ATP6V0A2: variants seen among roughly 807,000 people sequenced by gnomAD.
The protein encoded by ATP6V0A2 is V-type proton ATPase 116 kDa subunit a 2.
A neutral mutation model predicts 104.4 loss-of-function variants in ATP6V0A2; 58 were observed. The ratio of observed to expected loss-of-function variants is 0.56; its 90% confidence interval spans 0.45 to 0.69. The LOEUF is 0.69. ATP6V0A2 is among the 30% of genes least tolerant of loss of function. The pLI, the probability that ATP6V0A2 is intolerant of heterozygous loss-of-function variation, is 0.00. For missense variants in ATP6V0A2, 938 were observed against 1,062.9 expected (o/e 0.88, Z 1.63); for synonymous variants, 376 against 397.9 (o/e 0.95, Z 0.65).
intron 1 of ATP6V0A2, among the ~76,000 whole-genome samples, chr12:123,713,413 T>C (rs1956310964): frequency 6.6e-6 from 1 of 152,158 alleles, no homozygotes; most frequent in Non-Finnish European, 1.5e-5. Context: ...AAACATTTGT[T>C]TGTCCATTTA....
At chr12:123,713,038 A>G (rs1956308133) in intron 1 of ATP6V0A2, among the ~76,000 whole-genome samples, 1 of 152,144 alleles carries the variant, frequency 6.6e-6, no homozygotes, top group Admixed American at 6.5e-5. Context: ...TAACCAAATA[A>G]ATAGGTCAAC....
intron 2 of ATP6V0A2, 84 bp downstream of exon 2, chr12:123,718,785 T>C: frequency 2.1e-6 from 2 of 960,580 alleles, no homozygotes; most frequent in Non-Finnish European, 3.2e-6. Context: ...TTGGAAAATA[T>C]AGACAAGCAG....
intron 5 of ATP6V0A2, among the ~76,000 whole-genome samples, chr12:123,726,891 G>A (rs879678847): frequency 6.6e-6 from 1 of 152,166 alleles, no homozygotes; most frequent in African/African-American, 2.4e-5. Context: ...TCAGCATTGA[G>A]ATTTTTTTGT....
At position 123,712,423 on chromosome 12, in the gene ATP6V0A2, C is replaced by T; in HGVS notation, c.-143C>T. On this transcript the variant is annotated 5_prime_UTR_variant, in exon 1 of 20. Coordinates refer to ENST00000330342, the MANE Select transcript of ATP6V0A2 (RefSeq NM_012463.4). ...GTGGCAGAACCGGGGGCGGCCGCTGCAGTCTGGAGCCCCATAGTGCGGGGC... is the reference window on the plus strand; with the variant it reads ...GTGGCAGAACCGGGGGCGGCCGCTGTAGTCTGGAGCCCCATAGTGCGGGGC... 1 of 428,058 alleles carries T rather than the reference C, an allele frequency of 2.3e-6. No homozygotes were observed. Among genetic ancestry groups the T allele is most frequent in the Non-Finnish European group, 3.9e-6 (1 of 253,836 alleles). The allele number at this position is 428,058 out of a possible 1,614,324, so 26.5% of individuals were successfully genotyped here. A position where few individuals can be genotyped will look rare whatever the true frequency, so the allele number is the denominator to read the frequency against.
intron 9 of ATP6V0A2, among the ~76,000 whole-genome samples, chr12:123,740,736 C>T (rs998158752): frequency 1.3e-5 from 2 of 152,106 alleles, no homozygotes; most frequent in East Asian, 3.9e-4. Flanking sequence ...TTTTGTCTTT[C>T]GTTACTTCTT....
At chr12:123,740,604 T>TTA (rs1956599841) in intron 9 of ATP6V0A2, among the ~76,000 whole-genome samples, 1 of 152,194 alleles carries the variant, frequency 6.6e-6, no homozygotes, top group South Asian at 2.1e-4. Context: ...TTCTCCTGAA[T>TTA]TATAGTTTTT....
In ATP6V0A2 at chr12:123,744,905, G is replaced by C. The variant is rs753537705; in HGVS notation, c.1538G>C (p.Ser513Thr). 3 of 1,614,200 alleles carry C rather than the reference G, an allele frequency of 1.9e-6. No homozygotes were observed. The highest frequency in any genetic ancestry group is 4.5e-5 in the East Asian group (2 of 44,884). ...LWNDSVVRHN[S>T]ILQLDPSIPG... ...AGTGACAGCGTCGTTAGACACAACA[G>C]CATTTTGCAGCTGGATCCAAGCATT... Residue 513 changes from serine to threonine, a missense_variant, in exon 13 of 20, where the codon AGC (serine) becomes ACC (threonine). Coordinates refer to ENST00000330342, the MANE Select transcript of ATP6V0A2 (RefSeq NM_012463.4). This position sits in a 1 kb window ranked among gnomAD's most constrained non-coding sequence, Gnocchi z 5.4.
chr12:123,751,749 G>A (rs145539754), intron 16 of ATP6V0A2, among the ~76,000 whole-genome samples: 3 of 152,226 alleles, frequency 2.0e-5, no homozygotes, highest in African/African-American at 7.2e-5. Flanking sequence ...AGCTTATTAG[G>A]GGTTTAACTC....
At chr12:123,726,807 C>A (rs902504176) in intron 5 of ATP6V0A2, among the ~76,000 whole-genome samples, 40 of 152,300 alleles carry the variant, frequency 2.6e-4, no homozygotes, top group African/African-American at 2.9e-4. Flanking sequence ...ATGTTTTCCT[C>A]CAGAGAGAAT....
At position 123,751,892 on chromosome 12, in the gene ATP6V0A2, C is replaced by T. The variant is rs187262700; in HGVS notation, c.2056-391C>T. Among the ~76,000 whole-genome samples, 526 of 111,798 alleles carry T rather than the reference C, an allele frequency of 4.7e-3. 3 individuals are homozygous for T. Among genetic ancestry groups the T allele is most frequent in the Non-Finnish European group, 7.0e-3 (403 of 57,646 alleles). 73.3% of individuals were successfully genotyped at this position (111,798 alleles called of 152,430 possible). A position where few individuals can be genotyped will look rare whatever the true frequency, so the allele number is the denominator to read the frequency against. On this transcript the variant is annotated intron_variant, in intron 16 of 19. Transcript: ENST00000330342. ...TTTTTTTTTTTGAGACTGGAGTCTT[C>T]GTCTGTTGCCCAGGCTGGAGTGCAG...
chr12:123,723,003 C>T (rs1401461651), intron 3 of ATP6V0A2, among the ~76,000 whole-genome samples: 2 of 152,208 alleles, frequency 1.3e-5, no homozygotes, highest in Admixed American at 1.3e-4. Context: ...CCGGTGAGAA[C>T]ACTCACCTGT....
intron 15 of ATP6V0A2, 188 bp from the exon 16 acceptor site, chr12:123,750,922 C>T: frequency 1.5e-6 from 1 of 675,710 alleles, no homozygotes; most frequent in Non-Finnish European, 2.6e-6. Flanking sequence ...TAATGTTATT[C>T]ATCAGTTCTA....
rs531141854 is a variant in ATP6V0A2, at chr12:123,752,214, A to T, written c.2056-69A>T. The T allele has an allele frequency of 1.7e-4, 275 of 1,598,146 alleles. 2 individuals are homozygous for T. In the East Asian group the frequency reaches 5.7e-3, roughly 33 times the overall value. On this transcript the variant is annotated intron_variant, in intron 16 of 19. Coordinates refer to ENST00000330342, the MANE Select transcript of ATP6V0A2 (RefSeq NM_012463.4). ...AATCATTAAGAGAAACAAAGAAACT[A>T]TACAAGTTTGGTTTTGTCACAACCT...
intron 9 of ATP6V0A2, among the ~76,000 whole-genome samples, chr12:123,741,886 G>A (rs77766130): frequency 0.022 from 3,366 of 152,272 alleles, 104 homozygotes; most frequent in African/African-American, 0.055. Context: ...TCAGGATAGC[G>A]ATCCTAACCT....
intron 2 of ATP6V0A2, 56 bp from the exon 3 acceptor site, chr12:123,722,295 C>A: frequency 1.8e-6 from 2 of 1,103,856 alleles, no homozygotes; most frequent in African/African-American, 1.5e-5. Flanking sequence ...ATGTTTCTGA[C>A]TGAAATGTAT....
chr12:123,755,222 C>T (rs1956751929), intron 18 of ATP6V0A2, among the ~76,000 whole-genome samples: 1 of 152,066 alleles, frequency 6.6e-6, no homozygotes, highest in East Asian at 1.9e-4. Context: ...TGCAATGTTG[C>T]AAGTGGGTTC....
intron 15 of ATP6V0A2, among the ~76,000 whole-genome samples, 184 bp downstream of exon 15, chr12:123,748,969 C>T (rs181128677): frequency 7.0e-4 from 107 of 152,286 alleles, no homozygotes; most frequent in Admixed American, 1.4e-3. Flanking sequence ...CATGACCAAA[C>T]TCGCTGCCAC....
chr12:123,720,318 G>A (rs1956387112), intron 2 of ATP6V0A2, among the ~76,000 whole-genome samples: 1 of 152,194 alleles, frequency 6.6e-6, no homozygotes, highest in South Asian at 2.1e-4. Context: ...GATAGATGGT[G>A]TATTCAGAAT....
intron 4 of ATP6V0A2, 143 bp from the exon 5 acceptor site, chr12:123,726,054 T>C (rs1490256797): frequency 4.5e-6 from 3 of 666,642 alleles, no homozygotes; most frequent in Non-Finnish European, 8.1e-6. Context: ...GATTGAGTTA[T>C]AAATCTAAGT....
Sources: allele counts gnomAD v4.1 joint callset (sites outside exome capture counted in the v4.1 genomes callset), GRCh38; gene constraint gnomAD v4.1.1; non-coding constraint Gnocchi (gnomAD v3.1); transcripts MANE v1.5; gene names NCBI Gene and HGNC (gene_info 2026-07-23, HGNC 2026-07-21).